TGFB1I1: variants seen among roughly 807,000 people sequenced by gnomAD.
The protein encoded by TGFB1I1 is transforming growth factor beta 1 induced transcript 1, also known as transforming growth factor beta-1-induced transcript 1 protein.
In TGFB1I1, 33 loss-of-function variants were observed where a neutral mutation model predicts 52.0. The observed-to-expected ratio is 0.63, with a 90% CI of 0.48 to 0.85. The LOEUF (loss-of-function observed/expected upper bound fraction) is 0.85, where lower values mean the gene tolerates loss of function less well. Among genes scored for constraint, TGFB1I1 ranks in the 40% least tolerant of loss-of-function variants. The pLI is 0.00. For synonymous variants in TGFB1I1, 236 were observed against 253.3 expected (o/e 0.93, Z 0.65); for missense variants, 577 against 614.9 (o/e 0.94, Z 0.65).
At position 31,474,056 on chromosome 16, in the gene TGFB1I1, A is replaced by G. The variant is rs1314223588; in HGVS notation, c.325+79A>G. 5 of 1,610,834 alleles carry G rather than the reference A, an allele frequency of 3.1e-6. No individual in the cohort carries two copies. The highest frequency in any genetic ancestry group is 4.2e-6 in the Non-Finnish European group (5 of 1,177,794). On this transcript the variant is annotated intron_variant, in intron 4 of 10. Transcript: ENST00000394863. The surrounding 1 kb of genome is among the most constrained non-coding windows in gnomAD (Gnocchi z 4.2). Reference sequence around the variant, plus strand: ...GTGGGGCAGAGACTAAGAGGAATACACTTCCCAGAGTAGCAGTTAAAGGGA... The same window carrying G: ...GTGGGGCAGAGACTAAGAGGAATACGCTTCCCAGAGTAGCAGTTAAAGGGA...
Position 31,476,549 on chromosome 16 carries a change from C to T in TGFB1I1, c.957C>T (p.Pro319=), listed in dbSNP as rs543977419. ...EHFCCVSCGE[P]FGDEGFHERE... ...TCTGCTGCGTCAGTTGCGGGGAGCCCTTCGGAGATGAGGGTGAGAGTGAAC... is the reference window on the plus strand; with the variant it reads ...TCTGCTGCGTCAGTTGCGGGGAGCCTTTCGGAGATGAGGGTGAGAGTGAAC... The change falls in exon 9 of 11, where the codon CCC becomes CCT. Residue 319 remains proline, a synonymous_variant. Coordinates refer to ENST00000394863, the MANE Select transcript of TGFB1I1 (RefSeq NM_001042454.3). This position sits in a 1 kb window ranked among gnomAD's most constrained non-coding sequence, Gnocchi z 7.6. 10 of 1,613,030 alleles carry T rather than the reference C, an allele frequency of 6.2e-6. No individual in the cohort carries two copies. The highest frequency in any genetic ancestry group is 6.8e-6 in the Non-Finnish European group (8 of 1,179,826).
At position 31,474,172 on chromosome 16, in the gene TGFB1I1, C is replaced by T; in HGVS notation, c.346C>T (p.Pro116Ser). The change falls in exon 5 of 11, where the codon CCA becomes TCA. Residue 116 changes from proline (P) to serine (S), a missense_variant. Physicochemically the swap from Pro to Ser is moderately conservative, Grantham distance 74. This residue lies in a region of TGFB1I1 where 8 missense variants were observed against 29.4 expected (regional missense o/e 0.27). Transcript: ENST00000394863. The surrounding 1 kb of genome is among the most constrained non-coding windows in gnomAD (Gnocchi z 4.2). The part of the protein sequence containing the change: ...NITDEIMSQF[P>S]SSKVASGEQK... ...TCCAGATGAAATCATGTCTCAGTTCCCATCTAGCAAGGTGGCTTCAGGAGA... is the reference window on the plus strand; with the variant it reads ...TCCAGATGAAATCATGTCTCAGTTCTCATCTAGCAAGGTGGCTTCAGGAGA... 5.6e-6 allele frequency: 9 copies of T among 1,614,124 alleles called. No homozygotes were observed. The highest frequency in any genetic ancestry group is 7.6e-6 in the Non-Finnish European group (9 of 1,180,012).
Position 31,477,620 on chromosome 16 carries a change from C to T in TGFB1I1, c.*44C>T. The T allele has an allele frequency of 1.9e-6, 3 of 1,540,304 alleles. No homozygotes were observed. Among genetic ancestry groups the T allele is most frequent in the South Asian group, 1.2e-5 (1 of 82,800 alleles). ...CTCTCCCCCGGAGGCCGCGCCCTCC[C>T]GGAAAAGCCGGGTCCTCCAGACCCC... On this transcript the variant is annotated 3_prime_UTR_variant, in exon 11 of 11. Transcript: ENST00000394863. This position sits in a 1 kb window ranked among gnomAD's most constrained non-coding sequence, Gnocchi z 4.7.
chr16:31,476,653 T>A lies in TGFB1I1; in HGVS notation c.970+91T>A. 6.8e-7 allele frequency: 1 copy of A among 1,470,940 alleles called. No homozygotes were observed. The allele number at this position is 1,470,940 out of a possible 1,614,324, so 91.1% of individuals were successfully genotyped here. ...CCGACCTCCGGAGTCCTCAGGGCCA[T>A]GGTTTTCCTTCTGCTCTCTTCTGGC... is the stretch of plus-strand genomic sequence containing the variant. On this transcript the variant is annotated intron_variant, in intron 9 of 10. Transcript: ENST00000394863. This position sits in a 1 kb window ranked among gnomAD's most constrained non-coding sequence, Gnocchi z 7.6.
At position 31,472,159 on chromosome 16, in the gene TGFB1I1, TCGCCCCGCGCCAC is replaced by T. The variant is rs780896743; in HGVS notation, c.-27_-15del. ...CCACCGGACACGGCCCCCGCCCTGT[TCGCCCCGCGCCAC>T]CGGCCCGCGCCCCGCCATGGAGGAC... On this transcript the variant is annotated 5_prime_UTR_variant, in exon 1 of 11. Coordinates refer to ENST00000394863, the MANE Select transcript of TGFB1I1 (RefSeq NM_001042454.3). 112 of 951,696 alleles carry T rather than the reference TCGCCCCGCGCCAC, an allele frequency of 1.2e-4. No homozygotes were observed. The highest frequency in any genetic ancestry group is 1.5e-4 in the Non-Finnish European group (108 of 741,916). The allele number at this position is 951,696 out of a possible 1,614,324, so 59.0% of individuals were successfully genotyped here.
At position 31,474,353 on chromosome 16, in the gene TGFB1I1, T is replaced by C. The variant is rs2082409479; in HGVS notation, c.417T>C (p.Pro139=). 6.2e-7 allele frequency: 1 copy of C among 1,614,054 alleles called. No individual in the cohort carries two copies. Among genetic ancestry groups the C allele is most frequent in the Non-Finnish European group, 8.5e-7 (1 of 1,180,026 alleles). ...GACACAAGCATGTTCTTCACAGCCC[T>C]TCCAGCCCGTCTCCTGGCCTCCCAA... The part of the protein sequence containing the change: ...QSEDKKRPSL[P]SSPSPGLPKA... Residue 139 remains proline, a synonymous_variant, in exon 6 of 11, where the codon CCT becomes CCC. Coordinates refer to ENST00000394863, the MANE Select transcript of TGFB1I1 (RefSeq NM_001042454.3). The surrounding 1 kb of genome is among the most constrained non-coding windows in gnomAD (Gnocchi z 4.2).
Position 31,476,459 on chromosome 16 carries a change from A to G in TGFB1I1, c.889-22A>G, listed in dbSNP as rs1456149867. ...GCGCGAAGGCACGGAGGCCGCGCTGAGTGCCCTCTCCCTCCCTGCAGAAGA... is the reference window on the plus strand; with the variant it reads ...GCGCGAAGGCACGGAGGCCGCGCTGGGTGCCCTCTCCCTCCCTGCAGAAGA... On this transcript the variant is annotated intron_variant, in intron 8 of 10. Transcript: ENST00000394863. This position sits in a 1 kb window ranked among gnomAD's most constrained non-coding sequence, Gnocchi z 7.6. 1 of 1,605,902 alleles carries G rather than the reference A, an allele frequency of 6.2e-7. No homozygotes were observed. Among genetic ancestry groups the G allele is most frequent in the South Asian group, 1.1e-5 (1 of 89,436 alleles).
At position 31,474,136 on chromosome 16, in the gene TGFB1I1, C is replaced by T. The variant is rs746006094; in HGVS notation, c.326-16C>T. ...AGCATGGCCCTATATGTAGCGTCCT[C>T]CTCTCCTCTCTCCAGATGAAATCAT... is the stretch of plus-strand genomic sequence containing the variant. On this transcript the variant is annotated splice_polypyrimidine_tract_variant and intron_variant, in intron 4 of 10. Coordinates refer to ENST00000394863, the MANE Select transcript of TGFB1I1 (RefSeq NM_001042454.3). The surrounding 1 kb of genome is among the most constrained non-coding windows in gnomAD (Gnocchi z 4.2). The T allele has an allele frequency of 6.2e-7, 1 of 1,613,640 alleles. No homozygotes were observed. Among genetic ancestry groups the T allele is most frequent in the Non-Finnish European group, 8.5e-7 (1 of 1,179,730 alleles).
At position 31,476,243 on chromosome 16, in the gene TGFB1I1, G is replaced by A; in HGVS notation, c.888+58G>A. 1.3e-5 allele frequency: 21 copies of A among 1,576,124 alleles called. No individual in the cohort carries two copies. Among genetic ancestry groups the A allele is most frequent in the Non-Finnish European group, 1.4e-5 (16 of 1,161,922 alleles). On this transcript the variant is annotated intron_variant, in intron 8 of 10. Transcript: ENST00000394863. This position sits in a 1 kb window ranked among gnomAD's most constrained non-coding sequence, Gnocchi z 7.6. ...TATCTCACCAGGAGAGCTGTGGGAC[G>A]GGCCTCCACCGCATGGGTCCCGCCC...
chr16:31,474,677 C>CA lies in TGFB1I1; in HGVS notation c.635dup (p.Ser213ValfsTer21), dbSNP rs1342580658. The CA allele has an allele frequency of 6.2e-7, 1 of 1,613,142 alleles. No homozygotes were observed. The highest frequency in any genetic ancestry group is 1.3e-5 in the African/African-American group (1 of 74,946). On this transcript the variant is annotated frameshift_variant, in exon 7 of 11. Transcript: ENST00000394863. LOFTEE classifies it high-confidence loss of function. This position sits in a 1 kb window ranked among gnomAD's most constrained non-coding sequence, Gnocchi z 4.2. The stretch of plus-strand genomic sequence containing the variant: ...CCTAGACACCATGCTGGGGCTGCTG[C>CA]AGTCCGACCTCAGCCGCCGGGGTGT...
At position 31,477,599 on chromosome 16, in the gene TGFB1I1, C is replaced by A. The variant is rs376751508; in HGVS notation, c.*23C>A. 2 of 1,568,098 alleles carry A rather than the reference C, an allele frequency of 1.3e-6. No individual in the cohort carries two copies. Among genetic ancestry groups the A allele is most frequent in the Admixed American group, 1.8e-5 (1 of 54,964 alleles). On this transcript the variant is annotated 3_prime_UTR_variant, in exon 11 of 11. Coordinates refer to ENST00000394863, the MANE Select transcript of TGFB1I1 (RefSeq NM_001042454.3). This position sits in a 1 kb window ranked among gnomAD's most constrained non-coding sequence, Gnocchi z 4.7. ...TGACAGCCCGCTCGGCTCGCCCTCT[C>A]CCCCGGAGGCCGCGCCCTCCCGGAA...
Position 31,472,217 on chromosome 16 carries a change from TC to T in TGFB1I1, c.13+20del. ...GAGGACCTGGGTGAGTGGGGCCGGA[TC>T]CCCGGGTCCGTGGCCCCTCACCGCT... is the stretch of plus-strand genomic sequence containing the variant. On this transcript the variant is annotated intron_variant, in intron 1 of 10. Coordinates refer to ENST00000394863, the MANE Select transcript of TGFB1I1 (RefSeq NM_001042454.3). The T allele has an allele frequency of 1.4e-6, 2 of 1,389,842 alleles. No individual in the cohort carries two copies. Among genetic ancestry groups the T allele is most frequent in the Non-Finnish European group, 1.9e-6 (2 of 1,058,204 alleles). 86.1% of individuals were successfully genotyped at this position (1,389,842 alleles called of 1,614,324 possible). A position where few individuals can be genotyped will look rare whatever the true frequency, so the allele number is the denominator to read the frequency against.
rs768114270 is a variant in TGFB1I1 at position 31,472,220 on chromosome 16, C to G, written c.13+19C>G. On this transcript the variant is annotated intron_variant, in intron 1 of 10. Coordinates refer to ENST00000394863, the MANE Select transcript of TGFB1I1 (RefSeq NM_001042454.3). ...GACCTGGGTGAGTGGGGCCGGATCCCCGGGTCCGTGGCCCCTCACCGCTGC... is the reference window on the plus strand; with the variant it reads ...GACCTGGGTGAGTGGGGCCGGATCCGCGGGTCCGTGGCCCCTCACCGCTGC... The G allele has an allele frequency of 6.8e-7, 1 of 1,476,558 alleles. No homozygotes were observed. Among genetic ancestry groups the G allele is most frequent in the East Asian group, 2.8e-5 (1 of 36,020 alleles). 91.5% of individuals were successfully genotyped at this position (1,476,558 alleles called of 1,614,324 possible).
In TGFB1I1 at chr16:31,477,501, G is replaced by A. The variant is rs2082434287; in HGVS notation, c.1311G>A (p.Pro437=). 1.2e-6 allele frequency: 2 copies of A among 1,608,936 alleles called. No individual in the cohort carries two copies. The highest frequency in any genetic ancestry group is 1.7e-6 in the Non-Finnish European group (2 of 1,178,270). The change falls in exon 11 of 11, where the codon CCG becomes CCA. Residue 437 remains proline (P), a synonymous_variant. Transcript: ENST00000394863. The surrounding 1 kb of genome is among the most constrained non-coding windows in gnomAD (Gnocchi z 4.7). ...DHFTCTFCLR[P]LTKGSFQERA... ...TCACATGCACCTTCTGCCTGCGCCC[G>A]CTCACCAAGGGGTCCTTCCAGGAGC...
At position 31,477,720 on chromosome 16, in the gene TGFB1I1, G is replaced by A. The variant is rs1026905433; in HGVS notation, c.*144G>A. 32 of 1,143,792 alleles carry A rather than the reference G, an allele frequency of 2.8e-5. No individual in the cohort carries two copies. The Admixed American group carries it at 5.0e-4, about 18-fold the overall frequency. The allele number at this position is 1,143,792 out of a possible 1,614,324, so 70.9% of individuals were successfully genotyped here. A position where few individuals can be genotyped will look rare whatever the true frequency, so the allele number is the denominator to read the frequency against. ...CCTAAGGTACTATGAGTCCTCAGGGGTCAAGTTCAGAAACGGCCCAGCCAG... is the reference window on the plus strand; with the variant it reads ...CCTAAGGTACTATGAGTCCTCAGGGATCAAGTTCAGAAACGGCCCAGCCAG... On this transcript the variant is annotated 3_prime_UTR_variant, in exon 11 of 11. Coordinates refer to ENST00000394863, the MANE Select transcript of TGFB1I1 (RefSeq NM_001042454.3). The surrounding 1 kb of genome is among the most constrained non-coding windows in gnomAD (Gnocchi z 4.7).
chr16:31,473,152 A>T (rs2082400956), intron 1 of TGFB1I1: 1 of 1,163,152 alleles, frequency 8.6e-7, no homozygotes, highest in Admixed American at 4.3e-5. Context: ...TTTGGAGGGG[A>T]GCCAAATTTG....
intron 1 of TGFB1I1, 70 bp from the exon 2 acceptor site, chr16:31,473,371 C>T (rs1429533025): frequency 1.3e-6 from 2 of 1,524,112 alleles, no homozygotes; most frequent in East Asian, 2.3e-5. Flanking sequence ...TCCAGTACTG[C>T]CCACTGGGAA....
chr16:31,476,047 G>A lies in TGFB1I1; in HGVS notation c.750G>A (p.Glu250=). Residue 250 remains glutamate, a synonymous_variant, in exon 8 of 11, where the codon GAG becomes GAA. Transcript: ENST00000394863. This position sits in a 1 kb window ranked among gnomAD's most constrained non-coding sequence, Gnocchi z 7.6. The part of the protein sequence containing the change: ...VTALGRAWHP[E]HFVCGGCSTA... ...CTCTGGGCCGCGCCTGGCACCCCGA[G>A]CACTTCGTTTGCGGAGGCTGTTCCA... 6.2e-7 allele frequency: 1 copy of A among 1,613,584 alleles called. No homozygotes were observed.
rs1239617041 is a variant in TGFB1I1 at position 31,472,530 on chromosome 16, T to C, written c.13+329T>C. Reference sequence around the variant, plus strand: ...GGCCTCGGCCCGGGGACCGGGAAAGTAGAGGGCACGGGAAAGTCTGGCATC... The same window carrying C: ...GGCCTCGGCCCGGGGACCGGGAAAGCAGAGGGCACGGGAAAGTCTGGCATC... On this transcript the variant is annotated intron_variant, in intron 1 of 10. Coordinates refer to ENST00000394863, the MANE Select transcript of TGFB1I1 (RefSeq NM_001042454.3). 10 of 290,594 alleles carry C rather than the reference T, an allele frequency of 3.4e-5. No homozygotes were observed. In the East Asian group the frequency reaches 5.4e-4, roughly 16 times the overall value. The allele number at this position is 290,594 out of a possible 1,614,324, so 18.0% of individuals were successfully genotyped here. A position where few individuals can be genotyped will look rare whatever the true frequency, so the allele number is the denominator to read the frequency against.
Sources: gnomAD v4.1 joint callset for allele counts on GRCh38, gnomAD v4.1.1 for gene constraint, gnomAD v4.1.1 regional missense constraint, Gnocchi (gnomAD v3.1) non-coding constraint, MANE v1.5 for transcripts, NCBI Gene and HGNC (gene_info 2026-07-23, HGNC 2026-07-21) for gene names.